UGT1A9: variants seen among roughly 807,000 people sequenced by gnomAD.
UGT1A9 encodes the protein UDP-glucuronosyltransferase 1A9.
In UGT1A9, 35 loss-of-function variants were observed where a neutral mutation model predicts 45.0. The observed-to-expected ratio is 0.78, with a 90% CI of 0.59 to 1.03. The LOEUF (loss-of-function observed/expected upper bound fraction) is 1.03, where lower values mean the gene tolerates loss of function less well. Among genes scored for constraint, UGT1A9 ranks in the 50% least tolerant of loss-of-function variants. UGT1A9 has a pLI of 0.00. For synonymous variants in UGT1A9, 278 were observed against 250.6 expected (o/e 1.11, Z -1.03); for missense variants, 687 against 666.6 (o/e 1.03, Z -0.34).
chr2:233,751,463 C>T lies in UGT1A9; in HGVS notation c.856-15571C>T, dbSNP rs191766530. ...ACTTTGGAAGATTGTTGGGAAGGCA[C>T]GATTGGTTTTGAAATGTGAAAAGAC... On this transcript the variant is annotated intron_variant, in intron 1 of 4. Transcript: ENST00000354728. Among the ~76,000 whole-genome samples, 221 of 152,178 alleles carry T rather than the reference C, an allele frequency of 1.5e-3. 1 individual carries two copies. Among genetic ancestry groups the T allele is most frequent in the African/African-American group, 4.9e-3 (203 of 41,476 alleles).
chr2:233,677,895 A>C (rs913161121), intron 1 of UGT1A9, among the ~76,000 whole-genome samples: 1 of 152,218 alleles, frequency 6.6e-6, no homozygotes, highest in Non-Finnish European at 1.5e-5. Context: ...CTCTATTCAG[A>C]ATAGAAAAGA....
intron 1 of UGT1A9, among the ~76,000 whole-genome samples, chr2:233,684,674 T>C (rs983041087): frequency 2.0e-5 from 3 of 152,100 alleles, no homozygotes; most frequent in African/African-American, 7.2e-5. Context: ...AATATACATA[T>C]GATAGGATTT....
chr2:233,673,373 C>G (rs1253792522), intron 1 of UGT1A9, among the ~76,000 whole-genome samples: 2 of 151,950 alleles, frequency 1.3e-5, no homozygotes, highest in African/African-American at 4.8e-5. Flanking sequence ...AGTTTTTAAC[C>G]AATTAATATT....
intron 1 of UGT1A9, among the ~76,000 whole-genome samples, chr2:233,699,339 T>TA (rs1207197999): frequency 6.6e-6 from 1 of 152,220 alleles, no homozygotes; most frequent in African/African-American, 2.4e-5. Flanking sequence ...TCATCCACCC[T>TA]AGGGCTAACC....
rs1326860704 is a variant in UGT1A9 at position 233,769,636 on chromosome 2, G to A, written c.1295+1197G>A. ...AGCTTGAGCAAGGGACAACAGGGGA[G>A]GACTGATGACTGACTTCCCACCTTT... On this transcript the variant is annotated intron_variant, in intron 4 of 4. Coordinates refer to ENST00000354728, the MANE Select transcript of UGT1A9 (RefSeq NM_021027.3). This position sits in a 1 kb window ranked among gnomAD's most constrained non-coding sequence, Gnocchi z 4.4. 6.8e-6 allele frequency: 11 copies of A among 1,610,668 alleles called. No homozygotes were observed. Among genetic ancestry groups the A allele is most frequent in the Non-Finnish European group, 8.5e-6 (10 of 1,178,970 alleles).
At chr2:233,754,114 G>C (rs1442882252) in intron 1 of UGT1A9, among the ~76,000 whole-genome samples, 2 of 152,128 alleles carry the variant, frequency 1.3e-5, no homozygotes, top group Non-Finnish European at 2.9e-5. Flanking sequence ...CCTACATCAC[G>C]AGCATTTATG....
chr2:233,729,468 G>A lies in UGT1A9; in HGVS notation c.856-37566G>A, dbSNP rs28898619. ...TTCTGAAGAAATTTTTCAGAAGTAT[G>A]GCAATGTTGAACAATATGTCTTTGG... On this transcript the variant is annotated intron_variant, in intron 1 of 4. Coordinates refer to ENST00000354728, the MANE Select transcript of UGT1A9 (RefSeq NM_021027.3). 1.9e-3 allele frequency: 3,095 copies of A among 1,614,142 alleles called. 65 individuals are homozygous for A. The African/African-American group carries it at 0.037, about 19-fold the overall frequency.
intron 1 of UGT1A9, among the ~76,000 whole-genome samples, chr2:233,758,958 A>G (rs936812045): frequency 2.0e-5 from 3 of 152,152 alleles, no homozygotes; most frequent in Non-Finnish European, 4.4e-5. Flanking sequence ...AATTTCCCCA[A>G]ATGCCTTTCC....
rs200729912 is a variant in UGT1A9 at position 233,749,181 on chromosome 2, T to A, written c.856-17853T>A. Among the ~76,000 whole-genome samples, 4 of 151,898 alleles carry A rather than the reference T, an allele frequency of 2.6e-5. No homozygotes were observed. The East Asian group carries it at 7.7e-4, about 29-fold the overall frequency. On this transcript the variant is annotated intron_variant, in intron 1 of 4. Transcript: ENST00000354728. The stretch of plus-strand genomic sequence containing the variant: ...CCTTTTGTATTTTTATTTCTGTACT[T>A]CTTTTTATTAACATAGGTATTATTG...
chr2:233,677,593 T>C (rs28970016), intron 1 of UGT1A9, among the ~76,000 whole-genome samples: 1,930 of 152,220 alleles, frequency 0.013, 41 homozygotes, highest in African/African-American at 0.044. Flanking sequence ...ACATCACTAG[T>C]TACCAGAAAA....
At chr2:233,720,900 G>A (rs2076906237) in intron 1 of UGT1A9, among the ~76,000 whole-genome samples, 1 of 144,530 alleles carries the variant, frequency 6.9e-6, no homozygotes, top group Non-Finnish European at 1.5e-5. Flanking sequence ...TAGTAGAGAT[G>A]AGGTTTCGCA....
intron 1 of UGT1A9, among the ~76,000 whole-genome samples, chr2:233,731,421 G>C (rs1039281599): frequency 6.6e-6 from 1 of 151,738 alleles, no homozygotes; most frequent in Non-Finnish European, 1.5e-5. Context: ...TTTTCCTAAT[G>C]CCATCCCTCC....
intron 1 of UGT1A9, among the ~76,000 whole-genome samples, chr2:233,731,952 T>C (rs2078222480): frequency 6.6e-6 from 1 of 152,218 alleles, no homozygotes; most frequent in African/African-American, 2.4e-5. Context: ...ATCTGTTGTT[T>C]CCTGACTTTT....
intron 1 of UGT1A9, among the ~76,000 whole-genome samples, chr2:233,766,184 T>A (rs1169450089): frequency 6.6e-6 from 1 of 152,052 alleles, no homozygotes; most frequent in Non-Finnish European, 1.5e-5. Context: ...ATTGAGTGGA[T>A]GTAGCTCTCA....
intron 1 of UGT1A9, among the ~76,000 whole-genome samples, chr2:233,745,583 G>A (rs1693151733): frequency 6.6e-6 from 1 of 151,632 alleles, no homozygotes; most frequent in Non-Finnish European, 1.5e-5. Context: ...GACATAACCT[G>A]AGACCCGGAC....
intron 1 of UGT1A9, among the ~76,000 whole-genome samples, chr2:233,710,240 A>G (rs2076121731): frequency 6.6e-6 from 1 of 152,210 alleles, no homozygotes; most frequent in Non-Finnish European, 1.5e-5. Context: ...CTATTCGAGT[A>G]CGAGTGTTTC....
intron 1 of UGT1A9, among the ~76,000 whole-genome samples, chr2:233,748,343 G>T (rs192012783): frequency 6.6e-6 from 1 of 151,752 alleles, no homozygotes; most frequent in Non-Finnish European, 1.5e-5. Flanking sequence ...GAGACTGTTC[G>T]TTTGTAAAGG....
At chr2:233,730,142 AC>A in intron 1 of UGT1A9, 1 of 1,517,928 alleles carries the variant, frequency 6.6e-7, no homozygotes, top group East Asian at 2.4e-5. Context: ...AGTGAGATAA[AC>A]TGTTAAGGGG....
chr2:233,672,305 G>T lies in UGT1A9; in HGVS notation c.371G>T (p.Cys124Phe), dbSNP rs1575415892. The T allele has an allele frequency of 3.7e-6, 6 of 1,613,752 alleles. No individual in the cohort carries two copies. The highest frequency in any genetic ancestry group is 5.1e-6 in the Non-Finnish European group (6 of 1,179,904). Reference protein sequence around the residue: ...NDIFDLFFSNCRSLFKDKKLV... With the variant: ...NDIFDLFFSNFRSLFKDKKLV... ...ATTTTTGACTTATTTTTTTCAAATT[G>T]CAGGAGTTTGTTTAAAGACAAAAAA... is the stretch of plus-strand genomic sequence containing the variant. Residue 124 changes from cysteine (C) to phenylalanine (F), a missense_variant, in exon 1 of 5, where the codon TGC (cysteine) becomes TTC (phenylalanine). Coordinates refer to ENST00000354728, the MANE Select transcript of UGT1A9 (RefSeq NM_021027.3).
Sources: allele counts gnomAD v4.1 joint callset (sites outside exome capture counted in the v4.1 genomes callset), GRCh38; gene constraint gnomAD v4.1.1; non-coding constraint Gnocchi (gnomAD v3.1); transcripts MANE v1.5; gene names NCBI Gene and HGNC (gene_info 2026-07-23, HGNC 2026-07-21).